NRG1: variants seen among roughly 807,000 people sequenced by gnomAD.
NRG1 encodes the protein pro-neuregulin-1, membrane-bound isoform.
NRG1 carries 18 observed loss-of-function variants against 63.8 expected under a neutral mutation model. The ratio of observed to expected loss-of-function variants is 0.28; its 90% CI spans 0.19 to 0.42. The LOEUF is 0.42. Ranked by LOEUF, NRG1 falls within the 10% of genes least tolerant of loss-of-function variation. NRG1 has a pLI of 1.00. For synonymous variants in NRG1, 302 were observed against 301.3 expected, an observed-to-expected ratio of 1.00 and a Z score of -0.02; for missense variants, 762 against 814.7, an observed-to-expected ratio of 0.94 and a Z score of 0.79.
chr8:32,001,794 G>T (rs1403817302), intron 1 of NRG1, among the ~76,000 whole-genome samples: 1 of 152,028 alleles, frequency 6.6e-6, no homozygotes, highest in African/African-American at 2.4e-5. Flanking sequence ...CAGAGGTAAA[G>T]TGCTATGCAT....
chr8:32,486,075 T>TC (rs946384500), intron 1 of NRG1, among the ~76,000 whole-genome samples: 5 of 151,558 alleles, frequency 3.3e-5, no homozygotes, highest in East Asian at 1.9e-4. Flanking sequence ...TTACAGGCGC[T>TC]CCCCCCCTCC....
intron 1 of NRG1, among the ~76,000 whole-genome samples, chr8:32,347,119 G>T (rs751185139): frequency 1.3e-5 from 2 of 152,136 alleles, no homozygotes; most frequent in South Asian, 4.2e-4. Flanking sequence ...ATGAGCCACC[G>T]TGCCCGGCCA....
At chr8:32,494,224 T>C (rs868193425) in intron 1 of NRG1, among the ~76,000 whole-genome samples, 14 of 152,302 alleles carry the variant, frequency 9.2e-5, no homozygotes, top group East Asian at 1.9e-4. Context: ...ATAAAAGTAA[T>C]ACATGTTTAT....
chr8:32,653,472 C>G (rs1233205122), intron 5 of NRG1, among the ~76,000 whole-genome samples: 1 of 152,172 alleles, frequency 6.6e-6, no homozygotes. Flanking sequence ...TAACTGACAG[C>G]AATCCCACCT....
Position 32,742,983 on chromosome 8 carries a change from T to G in NRG1, c.691+250T>G. 2 of 1,319,200 alleles carry G rather than the reference T, an allele frequency of 1.5e-6. No individual in the cohort carries two copies. Among genetic ancestry groups the G allele is most frequent in the African/African-American group, 1.5e-5 (1 of 68,016 alleles). 81.7% of individuals were successfully genotyped at this position (1,319,200 alleles called of 1,614,324 possible). ...CTCCGGATGTTTCTGGAATTGATAT[T>G]GAATGATGTGATACAAATTGATAGT... On this transcript the variant is annotated intron_variant, in intron 7 of 11. Transcript: ENST00000356819. The surrounding 1 kb of genome is among the most constrained non-coding windows in gnomAD (Gnocchi z 4.2).
chr8:31,984,414 C>T (rs774421770), intron 1 of NRG1, among the ~76,000 whole-genome samples: 21 of 151,998 alleles, frequency 1.4e-4, no homozygotes, highest in Non-Finnish European at 1.9e-4. Flanking sequence ...GTTGGAATTT[C>T]GAAATGCTGG....
chr8:32,330,742 G>A (rs1462595924), intron 1 of NRG1, among the ~76,000 whole-genome samples: 1 of 152,188 alleles, frequency 6.6e-6, no homozygotes, highest in Non-Finnish European at 1.5e-5. Context: ...CAGCAATTTG[G>A]TCAATGAGTT....
intron 1 of NRG1, among the ~76,000 whole-genome samples, chr8:32,408,356 G>A (rs1393227932): frequency 6.6e-6 from 1 of 152,154 alleles, no homozygotes; most frequent in East Asian, 1.9e-4. Context: ...GCCGAGATGT[G>A]CAGTCCAGTC....
chr8:32,547,163 TG>T (rs1376771069), upstream of NRG1, among the ~76,000 whole-genome samples: 1 of 152,216 alleles, frequency 6.6e-6, no homozygotes, highest in Non-Finnish European at 1.5e-5. Flanking sequence ...TAGACAATTC[TG>T]GATCCTTCCG....
chr8:31,951,577 A>G (rs927381784), intron 1 of NRG1, among the ~76,000 whole-genome samples: 4 of 152,232 alleles, frequency 2.6e-5, no homozygotes, highest in African/African-American at 9.6e-5. Flanking sequence ...ATCTAAATTC[A>G]GATTTATAAT....
intron 9 of NRG1, among the ~76,000 whole-genome samples, chr8:32,757,399 A>G (rs1282005234): frequency 6.6e-6 from 1 of 152,156 alleles, no homozygotes; most frequent in African/African-American, 2.4e-5. Context: ...CTTGAAGCTT[A>G]TATTGTAGTA....
chr8:31,797,847 G>A (rs1286932942), intron 1 of NRG1, among the ~76,000 whole-genome samples: 2 of 152,196 alleles, frequency 1.3e-5, no homozygotes, highest in Admixed American at 1.3e-4. Context: ...TTACTATTCA[G>A]CCACCAAAAG....
At chr8:32,513,170 GGTGTGTGTGTGT>G (rs55982622) in intron 1 of NRG1, among the ~76,000 whole-genome samples, 5 of 149,240 alleles carry the variant, frequency 3.4e-5, no homozygotes, top group African/African-American at 1.2e-4. Context: ...TGCTGAAGCT[GGTGTGTGTGTGT>G]GTGTGTGTGT....
intron 1 of NRG1, among the ~76,000 whole-genome samples, chr8:31,739,868 A>G (rs1334425131): frequency 6.6e-6 from 1 of 152,074 alleles, no homozygotes; most frequent in African/African-American, 2.4e-5. Context: ...GGGATTGTAT[A>G]AGGCAATGTT....
At chr8:31,874,960 T>C (rs1468369708) in intron 1 of NRG1, among the ~76,000 whole-genome samples, 1 of 152,174 alleles carries the variant, frequency 6.6e-6, no homozygotes, top group Non-Finnish European at 1.5e-5. Context: ...ATCAAGCAAA[T>C]AACAACCAAG....
At chr8:32,307,806 C>G (rs1392434628) in intron 1 of NRG1, among the ~76,000 whole-genome samples, 2 of 152,122 alleles carry the variant, frequency 1.3e-5, no homozygotes, top group Non-Finnish European at 2.9e-5. Context: ...CCACTCACTC[C>G]TTTTTGTTAC....
chr8:32,277,116 C>T (rs1340548237), intron 1 of NRG1, among the ~76,000 whole-genome samples: 7 of 152,174 alleles, frequency 4.6e-5, no homozygotes, highest in Admixed American at 2.0e-4. Context: ...TTGCATTAAA[C>T]GTGAAGTCAT....
At chr8:32,280,806 G>A (rs1852702254) in intron 1 of NRG1, among the ~76,000 whole-genome samples, 1 of 132,676 alleles carries the variant, frequency 7.5e-6, no homozygotes, top group Admixed American at 8.5e-5. Context: ...CTGTTGCCAG[G>A]CTGGAGTGCA....
At chr8:32,090,076 G>A (rs1359175130) in intron 1 of NRG1, among the ~76,000 whole-genome samples, 1 of 152,098 alleles carries the variant, frequency 6.6e-6, no homozygotes, top group East Asian at 1.9e-4. Context: ...TCTATCAACA[G>A]CCAGGTTCAT....
Sources: gnomAD v4.1 joint callset for allele counts (sites outside exome capture counted in the v4.1 genomes callset) on GRCh38, gnomAD v4.1.1 for gene constraint, Gnocchi (gnomAD v3.1) non-coding constraint, MANE v1.5 for transcripts, NCBI Gene and HGNC (gene_info 2026-07-23, HGNC 2026-07-21) for gene names.